The following MECOM variants were observed in gnomAD, a reference collection of about 807,000 sequenced individuals.
The protein encoded by MECOM is MDS1 and EVI1 complex locus.
A neutral mutation model predicts 116.3 loss-of-function variants in MECOM; 13 were observed. That is an observed-to-expected ratio of 0.11 (90% CI 0.07 to 0.18). The LOEUF (loss-of-function observed/expected upper bound fraction) is 0.18. Ranked by LOEUF, MECOM falls within the 10% of genes least tolerant of loss-of-function variation. MECOM has a pLI of 1.00. For missense variants in MECOM, 1,299 were observed against 1,509.0 expected, an observed-to-expected ratio of 0.86 and a Z score of 2.31; for synonymous variants, 528 against 535.2, an observed-to-expected ratio of 0.99 and a Z score of 0.19.
intron 2 of MECOM, among the ~76,000 whole-genome samples, chr3:169,173,363 C>T (rs78966165): frequency 0.074 from 11,241 of 152,052 alleles, 608 homozygotes; most frequent in East Asian, 0.29. Context: ...GGCTCTCTTC[C>T]AACAACTCTC....
At chr3:169,620,760 G>A (rs1417061595) in intron 1 of MECOM, among the ~76,000 whole-genome samples, 4 of 152,188 alleles carry the variant, frequency 2.6e-5, no homozygotes, top group Admixed American at 6.5e-5. Context: ...CTCTGACACC[G>A]CAGATTCTAA....
intron 1 of MECOM, among the ~76,000 whole-genome samples, chr3:169,638,786 A>G (rs1773119187): frequency 6.6e-6 from 1 of 152,178 alleles, no homozygotes. Flanking sequence ...CAGTTGGCTG[A>G]TCAGCAAAGA....
At chr3:169,132,652 CT>C (rs1254133932) in intron 3 of MECOM, among the ~76,000 whole-genome samples, 2 of 152,042 alleles carry the variant, frequency 1.3e-5, no homozygotes, top group Admixed American at 1.3e-4. Context: ...GAAATTATTC[CT>C]TTGCCTCATA....
At chr3:169,279,846 T>G (rs1240458435) in intron 2 of MECOM, among the ~76,000 whole-genome samples, 4 of 152,230 alleles carry the variant, frequency 2.6e-5, no homozygotes, top group Non-Finnish European at 5.9e-5. Flanking sequence ...TACTGCCCCC[T>G]TTGGCTATTG....
At chr3:169,421,418 C>T (rs1247698951) in intron 1 of MECOM, among the ~76,000 whole-genome samples, 2 of 152,058 alleles carry the variant, frequency 1.3e-5, no homozygotes, top group Non-Finnish European at 2.9e-5. Flanking sequence ...TTTCCTTTCT[C>T]CCCATGAGGC....
chr3:169,566,019 G>A (rs757107997), intron 1 of MECOM: 1 of 428,518 alleles, frequency 2.3e-6, no homozygotes, highest in African/African-American at 2.1e-5. Flanking sequence ...GTGGTGGAAG[G>A]CGAAGGGGAA....
intron 2 of MECOM, among the ~76,000 whole-genome samples, chr3:169,226,760 T>G (rs367746117): frequency 2.6e-5 from 4 of 152,336 alleles, no homozygotes; most frequent in East Asian, 3.9e-4. Context: ...TACAGAGGTC[T>G]TACATAAAGT....
intron 2 of MECOM, among the ~76,000 whole-genome samples, chr3:169,373,186 G>A (rs183520211): frequency 6.6e-6 from 1 of 152,080 alleles, no homozygotes; most frequent in East Asian, 1.9e-4. Flanking sequence ...GCATTGTGAG[G>A]TGGCAATTGC....
intron 1 of MECOM, among the ~76,000 whole-genome samples, chr3:169,620,427 A>G (rs1213703710): frequency 6.6e-6 from 1 of 152,194 alleles, no homozygotes; most frequent in Non-Finnish European, 1.5e-5. Context: ...CAAATGTTCA[A>G]CCATTGCTAA....
At chr3:169,396,996 T>G (rs1315260677) in intron 1 of MECOM, among the ~76,000 whole-genome samples, 1 of 151,940 alleles carries the variant, frequency 6.6e-6, no homozygotes, top group African/African-American at 2.4e-5. Context: ...TAAATAAGAA[T>G]CAGAATAAAT....
At chr3:169,391,966 T>G (rs548133216) in intron 1 of MECOM, among the ~76,000 whole-genome samples, 10 of 152,176 alleles carry the variant, frequency 6.6e-5, no homozygotes, top group Non-Finnish European at 1.5e-4. Context: ...TCTATATAAA[T>G]TACTATCGTT....
chr3:169,456,244 C>CT (rs1746470941), intron 1 of MECOM, among the ~76,000 whole-genome samples: 1 of 152,056 alleles, frequency 6.6e-6, no homozygotes, highest in Admixed American at 6.6e-5. Context: ...CCTGCTCTTG[C>CT]TTTTAAATAA....
intron 5 of MECOM, among the ~76,000 whole-genome samples, chr3:169,124,575 AT>A (rs1336031954): frequency 4.6e-5 from 7 of 152,018 alleles, no homozygotes; most frequent in African/African-American, 1.7e-4. Context: ...ATTATTTTTA[AT>A]GTGGTATTGA....
chr3:169,283,794 C>T (rs1210406202), intron 2 of MECOM, among the ~76,000 whole-genome samples: 1 of 152,178 alleles, frequency 6.6e-6, no homozygotes, highest in East Asian at 1.9e-4. Flanking sequence ...TAGCTGGCCC[C>T]TATCACCATT....
At chr3:169,579,718 G>A (rs926399235) in intron 1 of MECOM, among the ~76,000 whole-genome samples, 1 of 152,178 alleles carries the variant, frequency 6.6e-6, no homozygotes, top group Non-Finnish European at 1.5e-5. Context: ...TCCTAGCTGG[G>A]CCCAAATGAA....
intron 9 of MECOM, among the ~76,000 whole-genome samples, chr3:169,111,208 C>A (rs6804720): frequency 0.63 from 96,136 of 151,860 alleles, 30,608 homozygotes; most frequent in Admixed American, 0.68. Flanking sequence ...TTCAAAGACA[C>A]TGAATCCCTT....
intron 2 of MECOM, among the ~76,000 whole-genome samples, chr3:169,294,436 C>T (rs890998056): frequency 5.3e-5 from 8 of 152,052 alleles, no homozygotes; most frequent in Admixed American, 2.6e-4. Context: ...AGGGCACTGG[C>T]GTAAGGTCAC....
intron 1 of MECOM, among the ~76,000 whole-genome samples, chr3:169,628,732 T>A (rs1379801283): frequency 1.3e-5 from 2 of 152,072 alleles, no homozygotes; most frequent in Non-Finnish European, 1.5e-5. Context: ...GTTCTCTGGG[T>A]CTTAAAGGAT....
intron 15 of MECOM, among the ~76,000 whole-genome samples, chr3:169,089,663 T>C (rs962055353): frequency 3.3e-5 from 5 of 152,184 alleles, no homozygotes; most frequent in African/African-American, 1.2e-4. Context: ...CCATGCCAGA[T>C]TATTGTATAA....
Sources: gnomAD v4.1 joint callset for allele counts (sites outside exome capture counted in the v4.1 genomes callset) on GRCh38, gnomAD v4.1.1 for gene constraint, MANE v1.5 for transcripts, NCBI Gene and HGNC (gene_info 2026-07-23, HGNC 2026-07-21) for gene names.